Variants in CELF2 observed in about 807,000 individuals in gnomAD.
CELF2 encodes CUG triplet repeat RNA-binding protein 2.
A neutral mutation model predicts 62.6 loss-of-function variants in CELF2; 8 were observed. The observed-to-expected ratio is 0.13, with a 90% confidence interval of 0.07 to 0.23. The LOEUF is 0.23. Ranked by LOEUF, CELF2 falls within the 10% of genes least tolerant of loss-of-function variation. CELF2 has a pLI of 1.00. For missense variants in CELF2, 333 were observed against 671.0 expected (o/e 0.50, Z 5.56); for synonymous variants, 258 against 250.0 (o/e 1.03, Z -0.30).
At chr10:11,147,491 G>A (rs2062492485) in intron 1 of CELF2, among the ~76,000 whole-genome samples, 1 of 152,112 alleles carries the variant, frequency 6.6e-6, no homozygotes, top group Non-Finnish European at 1.5e-5. Context: ...TTAATATCGT[G>A]AGCCCCAGGA....
At chr10:11,167,731 G>A (rs1338868275) in intron 2 of CELF2, among the ~76,000 whole-genome samples, 2 of 152,228 alleles carry the variant, frequency 1.3e-5, no homozygotes, top group Non-Finnish European at 2.9e-5. Context: ...TGGGGCTGCA[G>A]AAGAAGGGAG....
the CELF2 span, among the ~76,000 whole-genome samples, chr10:10,649,145 G>A: frequency 1.2e-3 from 182 of 152,242 alleles, 1 homozygote; most frequent in African/African-American, 4.2e-3. Flanking sequence ...GGTGAAAGTC[G>A]CGATTCTCAT....
At chr10:10,753,948 C>G in the CELF2 span, among the ~76,000 whole-genome samples, 6 of 151,304 alleles carry the variant, frequency 4.0e-5, no homozygotes, top group Non-Finnish European at 7.4e-5. Context: ...GGATGTTCAA[C>G]AGATCAAATG....
chr10:10,752,529 A>C, the CELF2 span, among the ~76,000 whole-genome samples: 2 of 151,776 alleles, frequency 1.3e-5, no homozygotes, highest in African/African-American at 4.8e-5. Context: ...TCTCTACTAA[A>C]ATACAAAAAA....
chr10:10,630,287 G>A, the CELF2 span, among the ~76,000 whole-genome samples: 864 of 152,308 alleles, frequency 5.7e-3, 3 homozygotes, highest in African/African-American at 9.5e-3. Context: ...GAAATTCAGA[G>A]TTGGCAACTG....
chr10:11,288,659 C>A, intron 9 of CELF2, 107 bp downstream of exon 9: 1 of 1,267,178 alleles, frequency 7.9e-7, no homozygotes, highest in Non-Finnish European at 1.1e-6. Flanking sequence ...CAGGATGGAG[C>A]CGGGATACTA....
chr10:11,039,047 T>C lies in CELF2; in HGVS notation c.74+20884T>C, dbSNP rs546686780. Among the ~76,000 whole-genome samples the C allele has an allele frequency of 6.6e-6, 1 of 152,300 alleles. No homozygotes were observed. Among genetic ancestry groups the C allele is most frequent in the African/African-American group, 2.4e-5 (1 of 41,570 alleles). On this transcript the variant is annotated intron_variant, in intron 1 of 12. Transcript: ENST00000633077. The surrounding 1 kb of genome is among the most constrained non-coding windows in gnomAD (Gnocchi z 4.1). ...GCCAAGTGCGCCTGAGCTTCCACAGTATCCTGGACAAGTGTGCACACGCGC... is the reference window on the plus strand; with the variant it reads ...GCCAAGTGCGCCTGAGCTTCCACAGCATCCTGGACAAGTGTGCACACGCGC...
At chr10:10,673,074 C>T in the CELF2 span, among the ~76,000 whole-genome samples, 2 of 151,756 alleles carry the variant, frequency 1.3e-5, no homozygotes, top group African/African-American at 4.8e-5. Flanking sequence ...TATTGTGTTT[C>T]TAATTTAAAA....
intron 1 of CELF2, among the ~76,000 whole-genome samples, chr10:11,052,364 T>C (rs994351292): frequency 6.6e-6 from 1 of 152,262 alleles, no homozygotes; most frequent in Non-Finnish European, 1.5e-5. Flanking sequence ...TAATTCATTT[T>C]TTTAGTTACT....
the CELF2 span, among the ~76,000 whole-genome samples, chr10:10,507,384 A>T: frequency 1.1e-4 from 17 of 152,012 alleles, no homozygotes; most frequent in Admixed American, 1.1e-3. Flanking sequence ...TTTGTTTTAG[A>T]TTTTTTTTCT....
Position 10,937,881 on chromosome 10 carries a change from C to T in CELF2, c.89+17882C>T, listed in dbSNP as rs145962624. On this transcript the variant is annotated intron_variant, in intron 2 of 13. Coordinates refer to the CELF2 transcript ENST00000636488. ...GAGGGAAAGAGGGACTATGAATTAA[C>T]CATAGTTTTGAAATTGATTCCTGGA... is the stretch of plus-strand genomic sequence containing the variant. Among the ~76,000 whole-genome samples the T allele has an allele frequency of 2.0e-5, 3 of 151,812 alleles. No homozygotes were observed. The East Asian group carries it at 5.9e-4, about 30-fold the overall frequency.
chr10:10,826,505 G>A (rs910860693), intron 1 of CELF2, among the ~76,000 whole-genome samples: 1 of 152,136 alleles, frequency 6.6e-6, no homozygotes, highest in Non-Finnish European at 1.5e-5. Flanking sequence ...CTATGCTTAT[G>A]CTAAAAAAAA....
intron 1 of CELF2, among the ~76,000 whole-genome samples, chr10:11,033,447 G>C (rs1267645212): frequency 6.6e-6 from 1 of 152,060 alleles, no homozygotes; most frequent in East Asian, 1.9e-4. Flanking sequence ...AGTAGAGTCA[G>C]GGTTTCTCTA....
At chr10:11,080,271 T>C (rs1405653381) in intron 1 of CELF2, among the ~76,000 whole-genome samples, 1 of 152,232 alleles carries the variant, frequency 6.6e-6, no homozygotes, top group East Asian at 1.9e-4. Context: ...CCCTTGCTTT[T>C]TCTTTGTTTA....
the CELF2 span, among the ~76,000 whole-genome samples, chr10:10,663,233 G>C: frequency 6.6e-6 from 1 of 152,168 alleles, no homozygotes; most frequent in Non-Finnish European, 1.5e-5. Context: ...CCATGAAATT[G>C]AGCAACATTT....
chr10:10,682,133 A>G, the CELF2 span, among the ~76,000 whole-genome samples: 4 of 152,194 alleles, frequency 2.6e-5, no homozygotes, highest in South Asian at 2.1e-4. Flanking sequence ...AAAATCCTCA[A>G]TGTAATATGG....
chr10:10,592,421 A>G, the CELF2 span, among the ~76,000 whole-genome samples: 1 of 152,202 alleles, frequency 6.6e-6, no homozygotes, highest in African/African-American at 2.4e-5. Flanking sequence ...TTGAACAAGT[A>G]AAATAATCAA....
At chr10:11,225,718 G>C (rs887580012) in intron 3 of CELF2, among the ~76,000 whole-genome samples, 4 of 152,176 alleles carry the variant, frequency 2.6e-5, no homozygotes, top group Non-Finnish European at 4.4e-5. Flanking sequence ...GCCCTGGTTT[G>C]ACAAGAAAGG....
intron 2 of CELF2, among the ~76,000 whole-genome samples, chr10:11,196,467 C>T (rs796084282): frequency 9.9e-5 from 15 of 152,008 alleles, no homozygotes; most frequent in African/African-American, 3.1e-4. Flanking sequence ...TTGGCAAGAC[C>T]AGCCTGGGCA....
Sources: gnomAD v4.1 joint callset for allele counts (sites outside exome capture counted in the v4.1 genomes callset) on GRCh38, gnomAD v4.1.1 for gene constraint, Gnocchi (gnomAD v3.1) non-coding constraint, MANE v1.5 for transcripts, NCBI Gene and HGNC (gene_info 2026-07-23, HGNC 2026-07-21) for gene names.